The following ZNF43 variants were observed in gnomAD, a reference collection of about 807,000 sequenced individuals.
ZNF43 encodes the protein zinc finger protein 43, also known as zinc finger protein 39-like 1 (KOX 27).
In ZNF43, 44 loss-of-function variants were observed where a neutral mutation model predicts 68.4. The observed-to-expected ratio is 0.64, with a 90% CI of 0.51 to 0.83. The LOEUF is 0.83. Ranked by LOEUF, ZNF43 falls within the 40% of genes least tolerant of loss-of-function variation. The pLI, the probability that ZNF43 is intolerant of heterozygous loss-of-function variation, is 0.00. For synonymous variants in ZNF43, 308 were observed against 307.8 expected, an observed-to-expected ratio of 1.00 and a Z score of -0.01; for missense variants, 896 against 933.2, an observed-to-expected ratio of 0.96 and a Z score of 0.52.
At chr19:21,819,019 C>G (rs2037664257) in intron 2 of ZNF43, 76 bp downstream of exon 2, 1 of 1,527,552 alleles carries the variant, frequency 6.5e-7, no homozygotes, top group Non-Finnish European at 8.8e-7. Context: ...TATAAATTAC[C>G]AAAAAAACAG....
intron 1 of ZNF43, among the ~76,000 whole-genome samples, chr19:21,822,641 TA>T (rs1371523654): frequency 6.6e-6 from 1 of 151,624 alleles, no homozygotes; most frequent in Admixed American, 6.6e-5. Flanking sequence ...CTGTCTCTAC[TA>T]AAAATACAAA....
chr19:21,840,973 C>G (rs1249660353), upstream of ZNF43: 5 of 152,142 alleles, frequency 3.3e-5, no homozygotes, highest in Admixed American at 3.3e-4. Flanking sequence ...ATATGACAGT[C>G]ACAATTTTTA....
chr19:21,824,467 A>G (rs769483070), intron 1 of ZNF43, among the ~76,000 whole-genome samples: 13 of 152,162 alleles, frequency 8.5e-5, no homozygotes, highest in South Asian at 2.1e-4. Context: ...GAAAAGTTCA[A>G]AAAGCCACAC....
chr19:21,832,197 T>G (rs1344089121), intron 1 of ZNF43, among the ~76,000 whole-genome samples: 1 of 151,900 alleles, frequency 6.6e-6, no homozygotes, highest in Non-Finnish European at 1.5e-5. Context: ...CATAGACAAA[T>G]GCAACAGAAT....
At chr19:21,829,226 AG>A (rs2038306408) in intron 1 of ZNF43, among the ~76,000 whole-genome samples, 1 of 151,636 alleles carries the variant, frequency 6.6e-6, no homozygotes, top group African/African-American at 2.4e-5. Flanking sequence ...TCCATCACAA[AG>A]GAAAAAAAAA....
chr19:21,809,133 T>C lies in ZNF43; in HGVS notation c.904A>G (p.Thr302Ala). The C allele has an allele frequency of 6.2e-7, 1 of 1,613,620 alleles. No homozygotes were observed. Among genetic ancestry groups the C allele is most frequent in the Non-Finnish European group, 8.5e-7 (1 of 1,179,852 alleles). Residue 302 changes from threonine to alanine, a missense_variant, in exon 4 of 4, where the codon ACT becomes GCT. Thr to Ala is a moderately conservative substitution (Grantham distance 58, BLOSUM62 0). Transcript: ENST00000354959. ...CCAGGATGAATTTTCTTATGTTCAG[T>C]AAGGTTTGAGGATTGGTTAAAAGCT... ...AKAFNQSSNL[T>A]EHKKIHPGEK...
rs1272734106 is a variant in ZNF43 at position 21,809,160 on chromosome 19, T to C, written c.877A>G (p.Lys293Glu). The change falls in exon 4 of 4, where the codon AAA becomes GAA. Residue 293 changes from lysine (K) to glutamate (E), a missense_variant. Transcript: ENST00000354959. The stretch of plus-strand genomic sequence containing the variant: ...AGGTTTGAGGATTGGTTAAAAGCTT[T>C]GGCACATTCTTTACATTTGTAGAAT... ...EKFYKCKECA[K>E]AFNQSSNLTE... 1 of 1,613,544 alleles carries C rather than the reference T, an allele frequency of 6.2e-7. No individual in the cohort carries two copies. Among genetic ancestry groups the C allele is most frequent in the South Asian group, 1.1e-5 (1 of 91,066 alleles).
intron 1 of ZNF43, among the ~76,000 whole-genome samples, chr19:21,832,988 C>T (rs2038496646): frequency 6.6e-6 from 1 of 152,172 alleles, no homozygotes; most frequent in Admixed American, 6.5e-5. Context: ...ATATAGAATA[C>T]AGATAATCAC....
chr19:21,840,142 G>A (rs553223809), upstream of ZNF43: 1 of 152,314 alleles, frequency 6.6e-6, no homozygotes, highest in East Asian at 1.9e-4. Flanking sequence ...CATGAAGATA[G>A]GGCACAGGCA....
chr19:21,822,879 C>G (rs1297382366), intron 1 of ZNF43, among the ~76,000 whole-genome samples: 1 of 151,992 alleles, frequency 6.6e-6, no homozygotes, highest in Non-Finnish European at 1.5e-5. Flanking sequence ...CTAAGCTTAC[C>G]TAAGACAAAA....
At position 21,807,874 on chromosome 19, in the gene ZNF43, A is replaced by G; in HGVS notation, c.2163T>C (p.Leu721=). Residue 721 remains leucine, a synonymous_variant, in exon 4 of 4, where the codon CTT becomes CTC. Transcript: ENST00000354959. ...CAGTATGAATTTTCTTATGTTCAAT[A>G]AGGTTTGAGGATCGGTTAAAAGCTT... ...CGKAFNRSSN[L]IEHKKIHTGE... is the part of the protein sequence containing the mutation. The G allele has an allele frequency of 6.2e-7, 1 of 1,613,210 alleles. No homozygotes were observed.
At chr19:21,847,314 G>A (rs73929080) in intron 1 of ZNF43, among the ~76,000 whole-genome samples, 5,402 of 152,134 alleles carry the variant, frequency 0.036, 281 homozygotes, top group African/African-American at 0.12. Flanking sequence ...ATTATGTCAC[G>A]ATACACAAAT....
intron 1 of ZNF43, among the ~76,000 whole-genome samples, chr19:21,828,532 T>G (rs566897396): frequency 6.6e-6 from 1 of 150,976 alleles, no homozygotes; most frequent in Admixed American, 6.6e-5. Context: ...CTGACCAACA[T>G]GGAGAAACCC....
At chr19:21,818,106 A>ATTTT in intron 2 of ZNF43, 120 bp from the exon 3 acceptor site, 2 of 866,366 alleles carry the variant, frequency 2.3e-6, no homozygotes, top group Non-Finnish European at 3.2e-6. Flanking sequence ...CAAAATACTA[A>ATTTT]TTTTTTTTTT....
intron 1 of ZNF43, among the ~76,000 whole-genome samples, chr19:21,826,303 T>A (rs2038118399): frequency 6.6e-6 from 1 of 152,224 alleles, no homozygotes; most frequent in South Asian, 2.1e-4. Context: ...TTATATTATG[T>A]CTGGTAATTC....
At chr19:21,833,214 G>A (rs2145327930) in intron 1 of ZNF43, among the ~76,000 whole-genome samples, 1 of 152,004 alleles carries the variant, frequency 6.6e-6, no homozygotes, top group Non-Finnish European at 1.5e-5. Flanking sequence ...CACCTGAGAA[G>A]ATTCCTAAAC....
At chr19:21,843,466 A>G in intron 1 of ZNF43, 4 of 823,214 alleles carry the variant, frequency 4.9e-6, no homozygotes, top group Non-Finnish European at 5.9e-6. Flanking sequence ...AACAACCTCA[A>G]TCTCTTCTGC....
At chr19:21,848,378 T>C (rs1380569362) in intron 1 of ZNF43, among the ~76,000 whole-genome samples, 2 of 152,038 alleles carry the variant, frequency 1.3e-5, no homozygotes, top group Non-Finnish European at 2.9e-5. Context: ...ACTCCTGACC[T>C]TAACTGATCC....
chr19:21,837,408 ACACT>A (rs1388068702), upstream of ZNF43, among the ~76,000 whole-genome samples: 3 of 145,858 alleles, frequency 2.1e-5, no homozygotes, highest in Admixed American at 6.9e-5. Flanking sequence ...ACATTTGCCT[ACACT>A]TACTTTTTTT....
Sources: allele counts gnomAD v4.1 joint callset (sites outside exome capture counted in the v4.1 genomes callset), GRCh38; gene constraint gnomAD v4.1.1; transcripts MANE v1.5; gene names NCBI Gene and HGNC (gene_info 2026-07-23, HGNC 2026-07-21).